The following C1D variants were observed in gnomAD, a reference collection of about 807,000 sequenced individuals.
C1D encodes the protein nuclear nucleic acid-binding protein C1D.
Under a neutral mutation model 17.5 loss-of-function variants are expected in C1D, and 10 were observed. That is an observed-to-expected ratio of 0.57 (90% CI 0.35 to 0.97). The LOEUF (loss-of-function observed/expected upper bound fraction) is 0.97. Ranked by LOEUF, C1D falls within the 50% of genes least tolerant of loss-of-function variation. The pLI is 0.01. For synonymous variants in C1D, 49 were observed against 54.0 expected (o/e 0.91, Z 0.40); for missense variants, 136 against 160.1 (o/e 0.85, Z 0.81).
At chr2:68,055,476 CAA>C (rs112320731) in intron 1 of C1D, among the ~76,000 whole-genome samples, 1 of 133,728 alleles carries the variant, frequency 7.5e-6, no homozygotes. Context: ...CAGCATGAAG[CAA>C]AAAAAAAAAA....
chr2:68,048,218 G>C (rs1250772560), intron 1 of C1D, among the ~76,000 whole-genome samples: 3 of 152,142 alleles, frequency 2.0e-5, no homozygotes, highest in South Asian at 2.1e-4. Context: ...TATTATTAAA[G>C]TATCTAAGTC....
intron 1 of C1D, among the ~76,000 whole-genome samples, chr2:68,058,229 T>C (rs926757965): frequency 3.3e-5 from 5 of 152,260 alleles, no homozygotes; most frequent in South Asian, 2.1e-4. Flanking sequence ...GCCTCCATGA[T>C]AGGCAGCCCT....
At chr2:68,060,656 G>A (rs1671600259) in intron 1 of C1D, among the ~76,000 whole-genome samples, 1 of 139,672 alleles carries the variant, frequency 7.2e-6, no homozygotes, top group Admixed American at 7.0e-5. Flanking sequence ...AGAGGGGCGA[G>A]ATGGGGTGGG....
At chr2:68,045,698 T>G (rs758713167) in intron 4 of C1D, among the ~76,000 whole-genome samples, 1 of 151,580 alleles carries the variant, frequency 6.6e-6, no homozygotes. Context: ...AAAAAAAAAG[T>G]AGTTCTAGAG....
intron 1 of C1D, among the ~76,000 whole-genome samples, chr2:68,052,506 A>T (rs1473768685): frequency 2.0e-5 from 3 of 152,214 alleles, no homozygotes; most frequent in African/African-American, 7.2e-5. Flanking sequence ...TTCCTACGAG[A>T]AAATATTTCC....
chr2:68,048,281 A>AT (rs113222074), intron 1 of C1D, among the ~76,000 whole-genome samples: 4 of 152,070 alleles, frequency 2.6e-5, no homozygotes, highest in African/African-American at 7.2e-5. Flanking sequence ...AATAAAAAAA[A>AT]TTTTTTTTGT....
rs894828759 is a variant in C1D at position 68,053,154 on chromosome 2, A to C, written c.-9-5835T>G. ...AAACACTGGCTGCAGAGGTAGAGAC[A>C]GACGGAGAGGGCATGAGAAAACTTG... On this transcript the variant is annotated intron_variant, in intron 1 of 4. Transcript: ENST00000410067. The C allele has an allele frequency of 4.5e-6, 7 of 1,550,566 alleles. No homozygotes were observed. Among genetic ancestry groups the C allele is most frequent in the Non-Finnish European group, 6.1e-6 (7 of 1,146,980 alleles).
chr2:68,046,237 G>C (rs1212504618), intron 3 of C1D, 107 bp downstream of exon 3: 1 of 917,000 alleles, frequency 1.1e-6, no homozygotes, highest in Non-Finnish European at 1.7e-6. Flanking sequence ...TCTATTAAAA[G>C]TGTTATAAAG....
chr2:68,046,555 C>G lies in C1D; in HGVS notation c.139-145G>C, dbSNP rs1671127920. 4 of 549,832 alleles carry G rather than the reference C, an allele frequency of 7.3e-6. No homozygotes were observed. In the East Asian group the frequency reaches 1.2e-4, roughly 17 times the overall value. 34.1% of individuals were successfully genotyped at this position (549,832 alleles called of 1,614,324 possible). ...TTTTCACTTCATATAATCCAATAAC[C>G]AAATGATCTGAAAATAATTTGTAAA... On this transcript the variant is annotated intron_variant, in intron 2 of 4. Coordinates refer to ENST00000410067, the MANE Select transcript of C1D (RefSeq NM_173177.3).
At chr2:68,047,082 G>T in intron 2 of C1D, 91 bp downstream of exon 2, 2 of 1,172,602 alleles carry the variant, frequency 1.7e-6, no homozygotes, top group Non-Finnish European at 2.4e-6. Flanking sequence ...AAGGGGCATA[G>T]GTCATTAATC....
intron 1 of C1D, among the ~76,000 whole-genome samples, chr2:68,057,748 C>A (rs1002291967): frequency 2.4e-4 from 36 of 152,152 alleles, no homozygotes; most frequent in Admixed American, 2.3e-3. Context: ...ATAAAAATGT[C>A]ATTTCCCCCT....
rs542040449 is a variant in C1D at position 68,056,155 on chromosome 2, C to T, written c.-10+6803G>A. Among the ~76,000 whole-genome samples the T allele has an allele frequency of 6.6e-5, 10 of 152,314 alleles. No individual in the cohort carries two copies. The South Asian group carries it at 2.1e-3, about 32-fold the overall frequency. On this transcript the variant is annotated intron_variant, in intron 1 of 4. Coordinates refer to ENST00000410067, the MANE Select transcript of C1D (RefSeq NM_173177.3). ...AAAATCCTTTTGAGACAGAGTCTTG[C>T]TGTCTCGCCCAAGCTGGAGTGCAGT...
chr2:68,049,776 T>C (rs1254696438), intron 1 of C1D, among the ~76,000 whole-genome samples: 1 of 152,202 alleles, frequency 6.6e-6, no homozygotes, highest in Non-Finnish European at 1.5e-5. Context: ...TTATATCAAA[T>C]ATTTACATCA....
At chr2:68,051,003 G>A (rs1008750617) in intron 1 of C1D, among the ~76,000 whole-genome samples, 2 of 152,050 alleles carry the variant, frequency 1.3e-5, no homozygotes, top group Non-Finnish European at 2.9e-5. Flanking sequence ...CCAGAATCTA[G>A]CCATGTCCTA....
intron 4 of C1D, among the ~76,000 whole-genome samples, chr2:68,044,300 C>G (rs1009291894): frequency 3.3e-5 from 5 of 152,376 alleles, no homozygotes; most frequent in African/African-American, 1.2e-4. Flanking sequence ...GAAATAATGC[C>G]TAGCTCCCAG....
At chr2:68,048,431 A>AT (rs2103799361) in intron 1 of C1D, among the ~76,000 whole-genome samples, 1 of 152,348 alleles carries the variant, frequency 6.6e-6, no homozygotes, top group Non-Finnish European at 1.5e-5. Flanking sequence ...GAGATAAATC[A>AT]TTGAATCTCT....
intron 1 of C1D, among the ~76,000 whole-genome samples, chr2:68,051,733 T>C (rs192726199): frequency 4.2e-4 from 63 of 151,332 alleles, no homozygotes; most frequent in African/African-American, 1.5e-3. Flanking sequence ...CCCTTACCAA[T>C]ACCTTCAGAG....
In C1D at chr2:68,042,688, C is replaced by G. The variant is rs1670993652; in HGVS notation, c.*201G>C. The G allele has an allele frequency of 2.7e-6, 1 of 374,044 alleles. No individual in the cohort carries two copies. Among genetic ancestry groups the G allele is most frequent in the Non-Finnish European group, 5.1e-6 (1 of 196,798 alleles). 23.2% of individuals were successfully genotyped at this position (374,044 alleles called of 1,614,324 possible). A position where few individuals can be genotyped will look rare whatever the true frequency, so the allele number is the denominator to read the frequency against. The stretch of plus-strand genomic sequence containing the variant: ...GGTAAATTATAAATATATAATATAT[C>G]ACAATGTTAAAATCCTCAGTGCTAA... On this transcript the variant is annotated 3_prime_UTR_variant, in exon 5 of 5. Transcript: ENST00000410067.
intron 1 of C1D, among the ~76,000 whole-genome samples, chr2:68,056,228 T>C (rs1671433914): frequency 6.6e-6 from 1 of 152,264 alleles, no homozygotes; most frequent in African/African-American, 2.4e-5. Context: ...GTTCAAGCAA[T>C]TCTCCTGCCT....
Sources: gnomAD v4.1 joint callset for allele counts (sites outside exome capture counted in the v4.1 genomes callset) on GRCh38, gnomAD v4.1.1 for gene constraint, MANE v1.5 for transcripts, NCBI Gene and HGNC (gene_info 2026-07-23, HGNC 2026-07-21) for gene names.